Variants in DDX42 observed in about 807,000 individuals in gnomAD.
The protein encoded by DDX42 is DEAD-box helicase 42.
DDX42 carries 22 observed loss-of-function variants against 101.5 expected under a neutral mutation model. That is an observed-to-expected ratio of 0.22 (90% CI 0.15 to 0.31). The LOEUF is 0.31. DDX42 is among the 10% of genes least tolerant of loss of function. The probability of loss-of-function intolerance (pLI) is 1.00; values close to 1 mark genes in which losing one functional copy is unlikely to be tolerated. For synonymous variants in DDX42, 402 were observed against 401.2 expected, an observed-to-expected ratio of 1.00 and a Z score of -0.02; for missense variants, 849 against 1,199.9, an observed-to-expected ratio of 0.71 and a Z score of 4.32.
At chr17:63,817,147 T>A in intron 17 of DDX42, 181 bp downstream of exon 17, 2 of 571,664 alleles carry the variant, frequency 3.5e-6, no homozygotes, top group Non-Finnish European at 6.2e-6. Context: ...CAAGTTGATC[T>A]AGAGAACCCC....
intron 1 of DDX42, among the ~76,000 whole-genome samples, chr17:63,775,373 TG>T (rs998969549): frequency 5.5e-4 from 84 of 152,248 alleles, no homozygotes; most frequent in African/African-American, 2.0e-3. Context: ...CCCCTGCCTT[TG>T]GGGAACTTAA....
At chr17:63,799,524 G>GT in intron 4 of DDX42, 65 bp from the exon 5 acceptor site, 1 of 1,583,240 alleles carries the variant, frequency 6.3e-7, no homozygotes, top group Non-Finnish European at 8.6e-7. Context: ...CTAATCTGCT[G>GT]TAAGTATGGA....
chr17:63,814,979 G>A (rs965198208), intron 15 of DDX42, among the ~76,000 whole-genome samples: 8 of 152,180 alleles, frequency 5.3e-5, no homozygotes, highest in African/African-American at 1.4e-4. Context: ...GTGAGCCACC[G>A]CCCTGCATTC....
intron 3 of DDX42, among the ~76,000 whole-genome samples, chr17:63,795,609 G>A (rs992155429): frequency 1.3e-5 from 2 of 152,214 alleles, no homozygotes; most frequent in African/African-American, 2.4e-5. Flanking sequence ...TGGAATTGCA[G>A]GTGTGGGTCT....
intron 4 of DDX42, among the ~76,000 whole-genome samples, chr17:63,798,797 C>T (rs1288059846): frequency 6.6e-6 from 1 of 152,156 alleles, no homozygotes; most frequent in Non-Finnish European, 1.5e-5. Context: ...GCTTGGCAGT[C>T]AGTGCTTCAG....
chr17:63,813,625 T>A (rs1298596117), intron 15 of DDX42, among the ~76,000 whole-genome samples, 171 bp downstream of exon 15: 1 of 152,218 alleles, frequency 6.6e-6, no homozygotes, highest in Non-Finnish European at 1.5e-5. Context: ...TCTAGTCTTA[T>A]CTGGTCTTCT....
chr17:63,798,507 A>G (rs2039720845), intron 4 of DDX42, among the ~76,000 whole-genome samples: 1 of 152,240 alleles, frequency 6.6e-6, no homozygotes, highest in East Asian at 1.9e-4. Flanking sequence ...TGTATAGTTG[A>G]ACCTTTGAAC....
In DDX42 at chr17:63,817,899, G is replaced by A; in HGVS notation, c.2318G>A (p.Ser773Asn). 1 of 1,614,190 alleles carries A rather than the reference G, an allele frequency of 6.2e-7. No homozygotes were observed. Among genetic ancestry groups the A allele is most frequent in the Non-Finnish European group, 8.5e-7 (1 of 1,180,030 alleles). Residue 773 changes from serine (S) to asparagine (N), a missense_variant, in exon 18 of 18, where the codon AGT becomes AAT. Ser to Asn is a conservative substitution (Grantham distance 46, BLOSUM62 1). Transcript: ENST00000389924. ...IPGFGNTGNI[S>N]GAPVTYPSAG... ...GGCTTTGGCAATACTGGCAACATCA[G>A]TGGTGCCCCTGTGACCTACCCGTCT... is the stretch of plus-strand genomic sequence containing the variant.
At chr17:63,794,901 A>G (rs141442406) in intron 3 of DDX42, among the ~76,000 whole-genome samples, 2,378 of 149,732 alleles carry the variant, frequency 0.016, 61 homozygotes, top group African/African-American at 0.055. Context: ...GCGCCATTGC[A>G]CTCCAGCCTG....
Position 63,812,179 on chromosome 17 carries a change from T to A in DDX42, c.1646T>A (p.Ile549Asn). Residue 549 changes from isoleucine to asparagine, a missense_variant, in exon 14 of 18, where the codon ATC becomes AAC. Coordinates refer to ENST00000389924, the MANE Select transcript of DDX42 (RefSeq NM_203499.3). ...KVISDFKKKD[I>N]PVLVATDVAA... ...ATTTCAGACTTTAAGAAAAAGGACA[T>A]CCCAGTCCTGGTGGCCACAGATGTT... The A allele has an allele frequency of 6.2e-7, 1 of 1,613,590 alleles. No individual in the cohort carries two copies.
intron 1 of DDX42, among the ~76,000 whole-genome samples, chr17:63,780,988 A>G (rs2039481238): frequency 6.6e-6 from 1 of 152,126 alleles, no homozygotes. Flanking sequence ...CCTTTAGCAT[A>G]TAAACATGCC....
intron 6 of DDX42, among the ~76,000 whole-genome samples, chr17:63,801,859 A>T (rs557386913): frequency 6.6e-6 from 1 of 152,286 alleles, no homozygotes; most frequent in South Asian, 2.1e-4. Flanking sequence ...AGGATCCTTA[A>T]GGAATGAGGA....
Position 63,817,683 on chromosome 17 carries a change from T to C in DDX42, c.2113-11T>C, listed in dbSNP as rs754578189. The C allele has an allele frequency of 3.1e-6, 5 of 1,610,246 alleles. No individual in the cohort carries two copies. The highest frequency in any genetic ancestry group is 1.1e-5 in the South Asian group (1 of 90,968). On this transcript the variant is annotated splice_polypyrimidine_tract_variant and intron_variant, in intron 17 of 17. Transcript: ENST00000389924. Reference sequence around the variant, plus strand: ...TATCTTACCTACTCCTGATGTCTCTTTCTCTTTCAGTCACAGTACAAGAGT... The same window carrying C: ...TATCTTACCTACTCCTGATGTCTCTCTCTCTTTCAGTCACAGTACAAGAGT...
intron 3 of DDX42, among the ~76,000 whole-genome samples, chr17:63,795,581 C>T (rs1424620804): frequency 6.6e-6 from 1 of 152,214 alleles, no homozygotes; most frequent in Non-Finnish European, 1.5e-5. Context: ...GTCTCTCCAC[C>T]TTGGCCTCTC....
chr17:63,779,075 T>A (rs1195924699), intron 1 of DDX42, among the ~76,000 whole-genome samples: 3 of 152,230 alleles, frequency 2.0e-5, no homozygotes, highest in African/African-American at 4.8e-5. Flanking sequence ...GTTGTTCTTT[T>A]TTAAACAAAT....
At chr17:63,793,783 T>C (rs1276494294) in intron 3 of DDX42, among the ~76,000 whole-genome samples, 1 of 151,906 alleles carries the variant, frequency 6.6e-6, no homozygotes, top group African/African-American at 2.4e-5. Context: ...TTGATTATTA[T>C]ATAGCAGATC....
chr17:63,816,541 T>C, intron 16 of DDX42: 1 of 189,708 alleles, frequency 5.3e-6, no homozygotes, highest in Non-Finnish European at 1.1e-5. Context: ...TCACACAATA[T>C]GCTATTCAGG....
chr17:63,810,534 CA>C lies in DDX42; in HGVS notation c.1276del (p.Ser426ValfsTer28). 1 of 1,614,066 alleles carries C rather than the reference CA, an allele frequency of 6.2e-7. No individual in the cohort carries two copies. The highest frequency in any genetic ancestry group is 8.5e-7 in the Non-Finnish European group (1 of 1,179,990). ...GCAGAGTACCAAGTTCGATCCATAG[CA>C]AGTCATGTTCGTCCTGACAGGCAGA... Reference protein sequence around the residue: ...MGFEYQVRSIASHVRPDRQTL... With the variant: ...MGFEYQVRSIXSHVRPDRQTL... On this transcript the variant is annotated frameshift_variant, in exon 12 of 18. Coordinates refer to ENST00000389924, the MANE Select transcript of DDX42 (RefSeq NM_203499.3). LOFTEE classifies it high-confidence loss of function.
rs567450870 is a variant in DDX42, at chr17:63,801,153, A to G, written c.621+536A>G. ...CAACGCTGACTCCTGGGTTCAAGCA[A>G]TTCTGCCTGCCTCAGCCTCCTGGGT... On this transcript the variant is annotated intron_variant, in intron 6 of 17. Coordinates refer to ENST00000389924, the MANE Select transcript of DDX42 (RefSeq NM_203499.3). Among the ~76,000 whole-genome samples, 13 of 150,944 alleles carry G rather than the reference A, an allele frequency of 8.6e-5. No individual in the cohort carries two copies. The South Asian group carries it at 2.3e-3, about 27-fold the overall frequency.
Sources: allele counts gnomAD v4.1 joint callset (sites outside exome capture counted in the v4.1 genomes callset), GRCh38; gene constraint gnomAD v4.1.1; transcripts MANE v1.5; gene names NCBI Gene and HGNC (gene_info 2026-07-23, HGNC 2026-07-21).